The following TMPRSS11F variants were observed in gnomAD, a reference collection of about 807,000 sequenced individuals.
TMPRSS11F encodes transmembrane protease serine 11F.
Under a neutral mutation model 60.2 loss-of-function variants are expected in TMPRSS11F, and 47 were observed. The observed-to-expected ratio is 0.78, with a 90% CI of 0.62 to 1.00. TMPRSS11F has a LOEUF of 1.00. Ranked by LOEUF, TMPRSS11F falls within the 50% of genes least tolerant of loss-of-function variation. TMPRSS11F has a pLI of 0.00. For synonymous variants in TMPRSS11F, 166 were observed against 167.3 expected, an observed-to-expected ratio of 0.99 and a Z score of 0.06; for missense variants, 519 against 522.9, an observed-to-expected ratio of 0.99 and a Z score of 0.07.
At chr4:68,126,766 T>C (rs774737960) in intron 1 of TMPRSS11F, among the ~76,000 whole-genome samples, 1 of 152,134 alleles carries the variant, frequency 6.6e-6, no homozygotes, top group African/African-American at 2.4e-5. Context: ...AGAGTGCCAA[T>C]AGAAGTATAC....
intron 1 of TMPRSS11F, among the ~76,000 whole-genome samples, chr4:68,107,576 G>A (rs910752172): frequency 1.3e-5 from 2 of 152,188 alleles, no homozygotes; most frequent in Non-Finnish European, 2.9e-5. Flanking sequence ...AGAGCAGAAG[G>A]TCAGTGTGGC....
chr4:68,115,888 A>G (rs1724510025), intron 1 of TMPRSS11F, among the ~76,000 whole-genome samples: 1 of 152,210 alleles, frequency 6.6e-6, no homozygotes, highest in South Asian at 2.1e-4. Context: ...TGAGAGAGAT[A>G]TATTATGCTT....
intron 3 of TMPRSS11F, chr4:68,080,231 T>C (rs1307058106): frequency 6.6e-6 from 1 of 152,202 alleles, no homozygotes; most frequent in Non-Finnish European, 1.5e-5. Context: ...GCCAGGATCA[T>C]GAGTTGGATT....
At chr4:68,060,243 C>T (rs1723132312) in intron 8 of TMPRSS11F, among the ~76,000 whole-genome samples, 2 of 151,190 alleles carry the variant, frequency 1.3e-5, no homozygotes, top group South Asian at 4.2e-4. Context: ...CGTGGTGGCT[C>T]ACACCTGTAA....
intron 1 of TMPRSS11F, among the ~76,000 whole-genome samples, chr4:68,125,044 C>A (rs986057605): frequency 7.0e-6 from 1 of 142,682 alleles, no homozygotes; most frequent in Non-Finnish European, 1.5e-5. Flanking sequence ...ATTGGTCATT[C>A]CATATATTAT....
chr4:68,073,894 C>A (rs1723530298), intron 4 of TMPRSS11F, 48 bp downstream of exon 4: 1 of 1,196,720 alleles, frequency 8.4e-7, no homozygotes, highest in African/African-American at 1.6e-5. Flanking sequence ...TCATCAAATA[C>A]CTCATCTTAA....
chr4:68,068,934 G>T, intron 6 of TMPRSS11F, 115 bp from the exon 7 acceptor site: 1 of 1,041,556 alleles, frequency 9.6e-7, no homozygotes, highest in Non-Finnish European at 1.4e-6. Flanking sequence ...ACCATTCATA[G>T]CACTCAGCCT....
intron 1 of TMPRSS11F, among the ~76,000 whole-genome samples, chr4:68,104,080 A>G (rs1724250855): frequency 6.6e-6 from 1 of 152,170 alleles, no homozygotes; most frequent in Non-Finnish European, 1.5e-5. Flanking sequence ...TACATTTAAG[A>G]TCATGTCAGA....
intron 1 of TMPRSS11F, among the ~76,000 whole-genome samples, chr4:68,128,108 G>T (rs1724749464): frequency 6.6e-6 from 1 of 152,090 alleles, no homozygotes; most frequent in Non-Finnish European, 1.5e-5. Flanking sequence ...CAGGGCTTTT[G>T]CTAAGAGGCC....
chr4:68,071,552 TAA>T (rs1723463864), intron 5 of TMPRSS11F, among the ~76,000 whole-genome samples: 1 of 152,020 alleles, frequency 6.6e-6, no homozygotes, highest in African/African-American at 2.4e-5. Context: ...AGAAAGAAAA[TAA>T]AAAGACACAG....
intron 1 of TMPRSS11F, among the ~76,000 whole-genome samples, chr4:68,117,242 C>T (rs183459790): frequency 0.018 from 2,798 of 151,918 alleles, 50 homozygotes; most frequent in Non-Finnish European, 0.026. Flanking sequence ...CCGAGGGGGG[C>T]GGATCACGAG....
At chr4:68,068,451 C>A (rs1200721273) in intron 7 of TMPRSS11F, among the ~76,000 whole-genome samples, 167 bp downstream of exon 7, 1 of 152,096 alleles carries the variant, frequency 6.6e-6, no homozygotes, top group East Asian at 1.9e-4. Context: ...CAAAAACTAA[C>A]CATCATAGAT....
At chr4:68,120,769 T>G (rs531032271) in intron 1 of TMPRSS11F, among the ~76,000 whole-genome samples, 3 of 152,008 alleles carry the variant, frequency 2.0e-5, no homozygotes, top group African/African-American at 7.2e-5. Context: ...ACATCAGCTT[T>G]CAGCAATCAC....
rs866151775 is a variant in TMPRSS11F at position 68,094,315 on chromosome 4, C to T, written c.164-3674G>A. Among the ~76,000 whole-genome samples the T allele has an allele frequency of 4.7e-3, 607 of 129,468 alleles. 10 individuals carry two copies. The highest frequency in any genetic ancestry group is 0.016 in the African/African-American group (557 of 35,912). 84.9% of individuals were successfully genotyped at this position (129,468 alleles called of 152,430 possible). The stretch of plus-strand genomic sequence containing the variant: ...ATCGCAAGAACAGAAAACCAGACAC[C>T]GCATATTCTCACTCATAGGTGGGAA... On this transcript the variant is annotated intron_variant, in intron 2 of 9. Transcript: ENST00000356291.
At chr4:68,065,193 C>CT (rs1262082125) in intron 7 of TMPRSS11F, among the ~76,000 whole-genome samples, 4 of 152,020 alleles carry the variant, frequency 2.6e-5, no homozygotes, top group African/African-American at 9.7e-5. Context: ...TCTTCAGGTT[C>CT]TTTTTTCCTT....
chr4:68,084,980 C>T (rs75743715), intron 3 of TMPRSS11F, among the ~76,000 whole-genome samples: 34,288 of 129,580 alleles, frequency 0.26, 4,146 homozygotes, highest in East Asian at 0.46. Context: ...TGAGAATATG[C>T]GGTGTTTGGT....
At chr4:68,077,132 G>A (rs1336664136) in intron 3 of TMPRSS11F, 2 of 152,276 alleles carry the variant, frequency 1.3e-5, no homozygotes, top group African/African-American at 4.8e-5. Context: ...CCTGCAAGAA[G>A]GGTTCCAATT....
chr4:68,075,141 T>G (rs1723557966), intron 3 of TMPRSS11F, among the ~76,000 whole-genome samples: 1 of 151,946 alleles, frequency 6.6e-6, no homozygotes, highest in South Asian at 2.1e-4. Flanking sequence ...CCCCACAAGA[T>G]TCCTTCCTCT....
At chr4:68,058,787 GA>G (rs1181479498) in intron 9 of TMPRSS11F, among the ~76,000 whole-genome samples, 1 of 152,162 alleles carries the variant, frequency 6.6e-6, no homozygotes, top group Admixed American at 6.5e-5. Flanking sequence ...AAGCAAGGGG[GA>G]AACACTGGGG....
Sources: allele counts gnomAD v4.1 joint callset (sites outside exome capture counted in the v4.1 genomes callset), GRCh38; gene constraint gnomAD v4.1.1; transcripts MANE v1.5; gene names NCBI Gene and HGNC (gene_info 2026-07-23, HGNC 2026-07-21).